The following OPHN1 variants were observed in gnomAD, a reference collection of about 807,000 sequenced individuals.
OPHN1 encodes the protein oligophrenin-1.
A neutral mutation model predicts 60.7 loss-of-function variants in OPHN1; 11 were observed. That is an observed-to-expected ratio of 0.18 (90% CI 0.11 to 0.30). OPHN1 has a LOEUF of 0.30. Ranked by LOEUF, OPHN1 falls within the 10% of genes least tolerant of loss-of-function variation. The probability of loss-of-function intolerance (pLI) is 1.00; values close to 1 mark genes in which losing one functional copy is unlikely to be tolerated. For missense variants in OPHN1, 449 were observed against 611.0 expected (o/e 0.73, Z 2.80); for synonymous variants, 226 against 222.6 (o/e 1.02, Z -0.14).
chrX:68,136,546 G>A (rs959649912), intron 15 of OPHN1, among the ~76,000 whole-genome samples: 39 of 110,193 alleles, frequency 3.5e-4, no homozygotes, highest in African/African-American at 1.1e-3. Flanking sequence ...CTCGTGATCC[G>A]CCCGCCTCAG....
chrX:68,092,600 G>A (rs2077022834), intron 19 of OPHN1, among the ~76,000 whole-genome samples: 1 of 111,415 alleles, frequency 9.0e-6, no homozygotes, highest in Admixed American at 9.6e-5. Flanking sequence ...AGGTTACAAC[G>A]GTGTGAAAAT....
chrX:68,428,009 G>A (rs908002584), intron 2 of OPHN1, among the ~76,000 whole-genome samples: 1 of 110,368 alleles, frequency 9.1e-6, no homozygotes, highest in Admixed American at 9.7e-5. Context: ...CTGTAATCCA[G>A]CTCCTCAGGA....
intron 23 of OPHN1, among the ~76,000 whole-genome samples, chrX:68,051,266 CA>C (rs1385103237): frequency 1.8e-5 from 2 of 111,332 alleles, no homozygotes; most frequent in African/African-American, 6.5e-5. Context: ...AACAAACTCA[CA>C]AAAGAGTCCC....
intron 5 of OPHN1, among the ~76,000 whole-genome samples, chrX:68,263,353 T>C (rs2077904099): frequency 9.0e-6 from 1 of 111,598 alleles, no homozygotes; most frequent in South Asian, 3.8e-4. Flanking sequence ...ACACTCAATG[T>C]TCAACACCCC....
chrX:68,378,972 A>C (rs2147739994), intron 2 of OPHN1, among the ~76,000 whole-genome samples: 1 of 110,973 alleles, frequency 9.0e-6, no homozygotes, highest in East Asian at 2.8e-4. Context: ...CTGTGAAGAA[A>C]GTCATTGGTA....
At chrX:68,414,335 AG>A (rs1411266689) in intron 2 of OPHN1, among the ~76,000 whole-genome samples, 4 of 111,854 alleles carry the variant, frequency 3.6e-5, no homozygotes, top group Admixed American at 9.5e-5. Context: ...CTTTCTGATC[AG>A]TCCCCACTTT....
rs183219308 is a variant in OPHN1, at chrX:68,086,409, C to T, written c.1686+10461G>A. Among the ~76,000 whole-genome samples the T allele has an allele frequency of 1.8e-3, 197 of 111,587 alleles. 1 individual carries two copies. In the Middle Eastern group the frequency reaches 0.032, roughly 18 times the overall value. On this transcript the variant is annotated intron_variant, in intron 19 of 24. Transcript: ENST00000355520. ...ATGGCTTTGATGGAATAAACTTTTT[C>T]CAAGTTCAAGCCATGGGTCAGAGTT...
At chrX:68,206,461 G>A in intron 10 of OPHN1, 112 bp downstream of exon 10, 1 of 590,664 alleles carries the variant, frequency 1.7e-6, no homozygotes, top group Non-Finnish European at 2.9e-6. Context: ...TAAAGTCATG[G>A]CCTCACGTAA....
intron 15 of OPHN1, among the ~76,000 whole-genome samples, chrX:68,175,449 C>T (rs1208567337): frequency 5.5e-5 from 6 of 109,431 alleles, no homozygotes; most frequent in African/African-American, 2.0e-4. Flanking sequence ...TTTAAATCTT[C>T]GAAAAAGGAA....
At chrX:68,131,194 A>T (rs755709952) in intron 15 of OPHN1, among the ~76,000 whole-genome samples, 328 of 63,672 alleles carry the variant, frequency 5.2e-3, no homozygotes, top group African/African-American at 0.014. Flanking sequence ...GAACACTTTT[A>T]TTTATTTATT....
intron 15 of OPHN1, among the ~76,000 whole-genome samples, chrX:68,181,574 G>A (rs1420148545): frequency 9.0e-6 from 1 of 111,157 alleles, no homozygotes; most frequent in Non-Finnish European, 1.9e-5. Flanking sequence ...CCTGTAATCC[G>A]AGCACTTTAA....
chrX:68,134,018 T>C (rs1220114287), intron 15 of OPHN1, among the ~76,000 whole-genome samples: 2 of 109,746 alleles, frequency 1.8e-5, no homozygotes, highest in African/African-American at 6.6e-5. Flanking sequence ...CTACTAAAAA[T>C]ACAAAAATTG....
intron 15 of OPHN1, chrX:68,133,015 G>A (rs1602179925): frequency 1.5e-5 from 7 of 480,747 alleles, no homozygotes; most frequent in African/African-American, 7.0e-5. Context: ...CGCTTCAGAC[G>A]CAGACCCTAC....
chrX:68,321,882 C>T (rs948937489), intron 2 of OPHN1, among the ~76,000 whole-genome samples: 4 of 109,900 alleles, frequency 3.6e-5, no homozygotes, highest in African/African-American at 1.3e-4. Context: ...GACCCAATAT[C>T]GCACCATTGC....
chrX:68,071,471 C>T, intron 20 of OPHN1: 1 of 903,530 alleles, frequency 1.1e-6, no homozygotes. Flanking sequence ...TCTGGGCCTA[C>T]ACAGTCTTTC....
intron 2 of OPHN1, among the ~76,000 whole-genome samples, chrX:68,359,272 A>G (rs2078458185): frequency 9.0e-6 from 1 of 111,616 alleles, no homozygotes; most frequent in South Asian, 3.7e-4. Flanking sequence ...AATTTGGGGT[A>G]CATATGGATT....
intron 8 of OPHN1, among the ~76,000 whole-genome samples, 168 bp from the exon 9 acceptor site, chrX:68,210,450 G>T (rs769431014): frequency 8.9e-6 from 1 of 112,131 alleles, no homozygotes; most frequent in Admixed American, 9.5e-5. Flanking sequence ...AGTTTATAGA[G>T]TCTAACGGTC....
At chrX:68,052,614 C>A in intron 22 of OPHN1, 24 bp from the exon 23 acceptor site, 2 of 1,197,204 alleles carry the variant, frequency 1.7e-6, no homozygotes, top group Non-Finnish European at 2.3e-6. Context: ...CCAACCAAGT[C>A]CCATAAGTTG....
chrX:68,102,680 A>G (rs190850262), intron 18 of OPHN1, among the ~76,000 whole-genome samples: 84 of 112,112 alleles, frequency 7.5e-4, no homozygotes, highest in African/African-American at 2.7e-3. Context: ...ACAATAAAAA[A>G]TGATAAAGGG....
Sources: allele counts gnomAD v4.1 joint callset (sites outside exome capture counted in the v4.1 genomes callset), GRCh38; gene constraint gnomAD v4.1.1; transcripts MANE v1.5; gene names NCBI Gene and HGNC (gene_info 2026-07-23, HGNC 2026-07-21).